LOC128125817: variants seen among roughly 807,000 people sequenced by gnomAD.
chr1:41,611,897 A>C, the LOC128125817 span, among the ~76,000 whole-genome samples: 1 of 152,060 alleles, frequency 6.6e-6, no homozygotes, highest in Non-Finnish European at 1.5e-5. Context: ...AGGTCGGCTC[A>C]CCCCAGAGCA....
the LOC128125817 span, among the ~76,000 whole-genome samples, chr1:41,623,094 A>C: frequency 0.029 from 4,351 of 152,270 alleles, 236 homozygotes; most frequent in African/African-American, 0.1. Context: ...GCCAAGCTCC[A>C]GGGCTTCAGT....
At chr1:41,606,500 G>A in the LOC128125817 span, among the ~76,000 whole-genome samples, 13 of 151,978 alleles carry the variant, frequency 8.6e-5, no homozygotes, top group African/African-American at 2.4e-4. Flanking sequence ...CATTGCCTGC[G>A]AAGCCACTCA....
chr1:41,625,224 C>T, the LOC128125817 span, among the ~76,000 whole-genome samples: 3 of 86,948 alleles, frequency 3.5e-5, no homozygotes, highest in Non-Finnish European at 4.5e-5. Flanking sequence ...TCAAGCCAAA[C>T]GAAACAAGAA....
At chr1:41,586,556 C>T in the LOC128125817 span, among the ~76,000 whole-genome samples, 2 of 141,442 alleles carry the variant, frequency 1.4e-5, no homozygotes, top group African/African-American at 2.5e-5. Flanking sequence ...GCATGCCCTA[C>T]CCCCGGCATC....
chr1:41,599,013 C>T, the LOC128125817 span, among the ~76,000 whole-genome samples: 1 of 152,086 alleles, frequency 6.6e-6, no homozygotes, highest in Admixed American at 6.5e-5. Context: ...GATGGGGTTT[C>T]ACCATGTTGG....
chr1:41,619,470 G>A, the LOC128125817 span, among the ~76,000 whole-genome samples: 85,984 of 152,084 alleles, frequency 0.57, 24,417 homozygotes, highest in Non-Finnish European at 0.59. Flanking sequence ...GTGTAGTGAC[G>A]ATATGTTTGT....
chr1:41,595,716 T>C, the LOC128125817 span, among the ~76,000 whole-genome samples: 10 of 152,112 alleles, frequency 6.6e-5, no homozygotes, highest in Non-Finnish European at 1.0e-4. Context: ...GTGGGCACCA[T>C]CTAATCAGCT....
At chr1:41,614,046 G>T in the LOC128125817 span, among the ~76,000 whole-genome samples, 2 of 152,222 alleles carry the variant, frequency 1.3e-5, no homozygotes, top group South Asian at 4.1e-4. Context: ...GATCACGCAG[G>T]TTGGAGCTGG....
the LOC128125817 span, among the ~76,000 whole-genome samples, chr1:41,611,145 G>A: frequency 6.6e-6 from 1 of 152,166 alleles, no homozygotes; most frequent in Non-Finnish European, 1.5e-5. Context: ...CAAAGGTCAC[G>A]GGTTGTCCAG....
the LOC128125817 span, among the ~76,000 whole-genome samples, chr1:41,591,880 T>C: frequency 6.6e-6 from 1 of 152,158 alleles, no homozygotes; most frequent in Non-Finnish European, 1.5e-5. Context: ...AGAAGAGGCA[T>C]GACCGACCCA....
At chr1:41,618,573 C>T in the LOC128125817 span, among the ~76,000 whole-genome samples, 1 of 152,132 alleles carries the variant, frequency 6.6e-6, no homozygotes, top group Non-Finnish European at 1.5e-5. Flanking sequence ...TGCCTGGGTG[C>T]CCCTGTCCCG....
At chr1:41,595,622 G>C in the LOC128125817 span, among the ~76,000 whole-genome samples, 18 of 152,184 alleles carry the variant, frequency 1.2e-4, no homozygotes, top group Non-Finnish European at 2.2e-4. Flanking sequence ...AACTTGATTG[G>C]ATTGAAGGAT....
the LOC128125817 span, among the ~76,000 whole-genome samples, chr1:41,628,324 A>G: frequency 6.6e-6 from 1 of 152,206 alleles, no homozygotes; most frequent in East Asian, 1.9e-4. Context: ...TTGGGTGGGC[A>G]GTGGTGGTCT....
chr1:41,608,755 G>A, the LOC128125817 span, among the ~76,000 whole-genome samples: 4 of 152,126 alleles, frequency 2.6e-5, no homozygotes, highest in Admixed American at 6.6e-5. Flanking sequence ...GTTTTCTAAT[G>A]CTGTTATGAT....
chr1:41,606,003 C>T, the LOC128125817 span, among the ~76,000 whole-genome samples: 1 of 152,166 alleles, frequency 6.6e-6, no homozygotes, highest in Non-Finnish European at 1.5e-5. Flanking sequence ...AGATGTAGTA[C>T]TGGTGTGGTT....
chr1:41,592,299 T>C, the LOC128125817 span, among the ~76,000 whole-genome samples: 2 of 152,210 alleles, frequency 1.3e-5, no homozygotes, highest in Non-Finnish European at 2.9e-5. Context: ...CACTTTCCTC[T>C]CTGGGCCTCA....
chr1:41,597,528 G>C, the LOC128125817 span, among the ~76,000 whole-genome samples: 2 of 152,122 alleles, frequency 1.3e-5, no homozygotes, highest in Non-Finnish European at 2.9e-5. Flanking sequence ...CTTCAGGCGG[G>C]TACTATTATC....
At chr1:41,594,255 CT>C in the LOC128125817 span, among the ~76,000 whole-genome samples, 407 of 152,272 alleles carry the variant, frequency 2.7e-3, 3 homozygotes, top group Non-Finnish European at 4.2e-3. Flanking sequence ...TGGAGTCTCG[CT>C]CTGTTGCCCA....
the LOC128125817 span, among the ~76,000 whole-genome samples, chr1:41,608,164 G>A: frequency 6.6e-6 from 1 of 152,210 alleles, no homozygotes; most frequent in Non-Finnish European, 1.5e-5. Flanking sequence ...GACCAGTTCA[G>A]TCTTGAATGT....
Sources: gnomAD v4.1 joint callset for allele counts (sites outside exome capture counted in the v4.1 genomes callset) on GRCh38, gnomAD v4.1.1 for gene constraint, MANE v1.5 for transcripts.